BICC1: variants seen among roughly 807,000 people sequenced by gnomAD.
BICC1 encodes the protein protein bicaudal C homolog 1.
In BICC1, 43 loss-of-function variants were observed where a neutral mutation model predicts 111.0. That is an observed-to-expected ratio of 0.39 (90% CI 0.30 to 0.50). The LOEUF is 0.50. BICC1 is among the 20% of genes least tolerant of loss of function. The pLI, the probability that BICC1 is intolerant of heterozygous loss-of-function variation, is 0.88. For synonymous variants in BICC1, 467 were observed against 434.4 expected, an observed-to-expected ratio of 1.07 and a Z score of -0.93; for missense variants, 1,091 against 1,203.2, an observed-to-expected ratio of 0.91 and a Z score of 1.38.
At chr10:58,768,046 G>A (rs139480011) in intron 3 of BICC1, among the ~76,000 whole-genome samples, 162 of 152,164 alleles carry the variant, frequency 1.1e-3, no homozygotes, top group Admixed American at 2.2e-3. Flanking sequence ...AATAATGGCT[G>A]AAAACTTCCC....
chr10:58,817,548 C>G lies in BICC1; in HGVS notation c.2534-14C>G. 6.2e-7 allele frequency: 1 copy of G among 1,613,222 alleles called. No individual in the cohort carries two copies. The highest frequency in any genetic ancestry group is 8.5e-7 in the Non-Finnish European group (1 of 1,179,450). On this transcript the variant is annotated splice_polypyrimidine_tract_variant and intron_variant, in intron 18 of 20. Coordinates refer to ENST00000373886, the MANE Select transcript of BICC1 (RefSeq NM_001080512.3). ...GCATTTACACTTCAAGCCTGTCTCT[C>G]CTTTGCCTTTCAGCGGAACACTATC... is the stretch of plus-strand genomic sequence containing the variant.
chr10:58,540,965 C>T (rs1842959178), intron 1 of BICC1, among the ~76,000 whole-genome samples: 1 of 152,030 alleles, frequency 6.6e-6, no homozygotes, highest in Admixed American at 6.6e-5. Flanking sequence ...ACATGATCAT[C>T]TCAATTGATG....
chr10:58,651,047 T>C (rs1355536652), intron 2 of BICC1, among the ~76,000 whole-genome samples: 1 of 152,090 alleles, frequency 6.6e-6, no homozygotes, highest in Non-Finnish European at 1.5e-5. Flanking sequence ...AGCTTACAAA[T>C]TACTTTTGTA....
intron 1 of BICC1, among the ~76,000 whole-genome samples, chr10:58,526,430 T>C (rs1189941281): frequency 6.6e-6 from 1 of 152,080 alleles, no homozygotes; most frequent in Non-Finnish European, 1.5e-5. Context: ...AGGGTACATG[T>C]GAACAACCTG....
intron 17 of BICC1, among the ~76,000 whole-genome samples, chr10:58,810,452 G>A (rs890225103): frequency 6.6e-6 from 1 of 151,856 alleles, no homozygotes; most frequent in Non-Finnish European, 1.5e-5. Context: ...GGAAAGATAT[G>A]ATCTTTTTTT....
intron 2 of BICC1, among the ~76,000 whole-genome samples, chr10:58,693,196 T>A (rs920337086): frequency 2.6e-5 from 4 of 152,228 alleles, no homozygotes; most frequent in Non-Finnish European, 5.9e-5. Flanking sequence ...GAACTCATCA[T>A]TTTTTATGGC....
At chr10:58,538,058 C>T (rs1052203634) in intron 1 of BICC1, among the ~76,000 whole-genome samples, 1 of 151,780 alleles carries the variant, frequency 6.6e-6, no homozygotes, top group Non-Finnish European at 1.5e-5. Context: ...AAGCAATTTA[C>T]AGATTCAATG....
At chr10:58,547,280 G>A (rs1843165701) in intron 1 of BICC1, among the ~76,000 whole-genome samples, 1 of 152,084 alleles carries the variant, frequency 6.6e-6, no homozygotes, top group African/African-American at 2.4e-5. Flanking sequence ...GGCTGTGACA[G>A]TTTCTCAGAC....
At chr10:58,522,965 T>G (rs531385423) in intron 1 of BICC1, among the ~76,000 whole-genome samples, 6 of 152,004 alleles carry the variant, frequency 3.9e-5, no homozygotes, top group Non-Finnish European at 7.4e-5. Context: ...AGAAATGGAT[T>G]AATTCCTCGA....
intron 1 of BICC1, among the ~76,000 whole-genome samples, chr10:58,618,011 C>T (rs995256140): frequency 6.6e-6 from 1 of 152,254 alleles, no homozygotes; most frequent in Non-Finnish European, 1.5e-5. Flanking sequence ...TCCAGGGTTT[C>T]ACCCTTTGGG....
At chr10:58,773,514 T>C in intron 3 of BICC1, among the ~76,000 whole-genome samples, 1 of 152,170 alleles carries the variant, frequency 6.6e-6, no homozygotes, top group East Asian at 1.9e-4. Flanking sequence ...GCCATTATCA[T>C]CACCTGAGGG....
chr10:58,814,375 G>GA (rs1227698347), intron 18 of BICC1: 2 of 501,398 alleles, frequency 4.0e-6, no homozygotes, highest in African/African-American at 1.9e-5. Context: ...AACGCCTAGT[G>GA]AACTGTCTGA....
At chr10:58,649,145 G>T (rs1838362664) in intron 2 of BICC1, among the ~76,000 whole-genome samples, 1 of 152,312 alleles carries the variant, frequency 6.6e-6, no homozygotes, top group South Asian at 2.1e-4. Context: ...ATAAAGGCGA[G>T]TAGATGATCT....
At chr10:58,765,344 A>C (rs985248144) in intron 3 of BICC1, among the ~76,000 whole-genome samples, 1 of 152,102 alleles carries the variant, frequency 6.6e-6, no homozygotes, top group African/African-American at 2.4e-5. Context: ...GGTGTGAGCC[A>C]CCATGCCTGG....
At chr10:58,823,351 G>A in intron 20 of BICC1, 1 of 985,298 alleles carries the variant, frequency 1.0e-6, no homozygotes, top group Non-Finnish European at 1.2e-6. Context: ...AAAAATATTA[G>A]AGGAGTTTGC....
In BICC1 at chr10:58,803,166, C is replaced by T. The variant is rs1843604888; in HGVS notation, c.2105C>T (p.Ala702Val). Residue 702 changes from alanine (A) to valine (V), a missense_variant, in exon 15 of 21, where the codon GCA becomes GTA. This residue lies in a region of BICC1 where 843 missense variants were observed against 900.8 expected (regional missense o/e 0.94). Coordinates refer to ENST00000373886, the MANE Select transcript of BICC1 (RefSeq NM_001080512.3). Reference sequence around the variant, plus strand: ...AAGGCTCCAGGGAGTGAGCGCGCTGCAGAGAGGGCAGCAGCTGCCCAGCAA... The same window carrying T: ...AAGGCTCCAGGGAGTGAGCGCGCTGTAGAGAGGGCAGCAGCTGCCCAGCAA... ...DKKAPGSERAAERAAAAQQNS... is the reference protein window; with the variant it reads ...DKKAPGSERAVERAAAAQQNS... The T allele has an allele frequency of 1.2e-6, 2 of 1,611,808 alleles. No homozygotes were observed. Among genetic ancestry groups the T allele is most frequent in the African/African-American group, 1.3e-5 (1 of 75,038 alleles).
intron 1 of BICC1, among the ~76,000 whole-genome samples, chr10:58,560,397 A>G (rs544602839): frequency 2.0e-5 from 3 of 152,028 alleles, no homozygotes; most frequent in East Asian, 3.9e-4. Context: ...TGTGTTATCA[A>G]TTGTAATGTC....
At chr10:58,579,081 A>G (rs1053544429) in intron 1 of BICC1, among the ~76,000 whole-genome samples, 2 of 152,158 alleles carry the variant, frequency 1.3e-5, no homozygotes, top group African/African-American at 4.8e-5. Flanking sequence ...TGAGGAATCT[A>G]AAGGCCCCCT....
rs1845810753 is a variant in BICC1, at chr10:58,621,653, C to G, written c.237+752C>G. Among the ~76,000 whole-genome samples, 6 of 152,072 alleles carry G rather than the reference C, an allele frequency of 3.9e-5. No individual in the cohort carries two copies. In the South Asian group the frequency reaches 1.2e-3, roughly 32 times the overall value. ...GGGCATGGTGGTGTGTGCCTATAAT[C>G]CTAGTGCTTTGGGAAGCTGAGGCAG... On this transcript the variant is annotated intron_variant, in intron 2 of 20. Coordinates refer to ENST00000373886, the MANE Select transcript of BICC1 (RefSeq NM_001080512.3).
Sources: allele counts gnomAD v4.1 joint callset (sites outside exome capture counted in the v4.1 genomes callset), GRCh38; gene constraint gnomAD v4.1.1; regional missense constraint gnomAD v4.1.1; transcripts MANE v1.5; gene names NCBI Gene and HGNC (gene_info 2026-07-23, HGNC 2026-07-21).